The following MLC1 variants were observed in gnomAD, a reference collection of about 807,000 sequenced individuals.
The protein encoded by MLC1 is membrane protein MLC1.
MLC1 carries 32 observed loss-of-function variants against 44.7 expected under a neutral mutation model. The ratio of observed to expected loss-of-function variants is 0.72; its 90% CI spans 0.54 to 0.96. MLC1 has a LOEUF of 0.96. Among genes scored for constraint, MLC1 ranks in the 40% least tolerant of loss-of-function variants. MLC1 has a pLI of 0.00. For synonymous variants in MLC1, 190 were observed against 213.0 expected, an observed-to-expected ratio of 0.89 and a Z score of 0.94; for missense variants, 459 against 492.2, an observed-to-expected ratio of 0.93 and a Z score of 0.64.
chr22:50,063,889 GCCACTCACCTCCCC>G, intron 11 of MLC1, 131 bp downstream of exon 11: 1 of 863,040 alleles, frequency 1.2e-6, no homozygotes, highest in Admixed American at 3.0e-5. Flanking sequence ...CCCCCTGCAG[GCCACTCACCTCCCC>G]GGCTGGGCAC....
rs564967424 is a variant in MLC1 at position 50,082,290 on chromosome 22, A to C, written c.267+794T>G. Among the ~76,000 whole-genome samples, 368 of 152,194 alleles carry C rather than the reference A, an allele frequency of 2.4e-3. 1 individual carries two copies. The highest frequency in any genetic ancestry group is 8.6e-3 in the African/African-American group (357 of 41,526). Reference sequence around the variant, plus strand: ...GTCCATGGCTTGCGGGCCAGAGCCCAGGGGTCAGCCAGCATGGTGCTCTAG... The same window carrying C: ...GTCCATGGCTTGCGGGCCAGAGCCCCGGGGTCAGCCAGCATGGTGCTCTAG... On this transcript the variant is annotated intron_variant, in intron 3 of 11. Coordinates refer to ENST00000311597, the MANE Select transcript of MLC1 (RefSeq NM_015166.4).
At position 50,061,133 on chromosome 22, in the gene MLC1, C is replaced by T. The variant is rs2061552141; in HGVS notation, c.*450G>A. ...AAGATCCCACTGGGCTGACTGAGTA[C>T]CCGGGACAGACCCTAAGCGTGGAGG... On this transcript the variant is annotated 3_prime_UTR_variant, in exon 12 of 12. Transcript: ENST00000311597. The T allele has an allele frequency of 3.9e-6, 1 of 254,910 alleles. No homozygotes were observed. Among genetic ancestry groups the T allele is most frequent in the Non-Finnish European group, 7.8e-6 (1 of 128,030 alleles). The allele number at this position is 254,910 out of a possible 1,614,324, so 15.8% of individuals were successfully genotyped here. A position where few individuals can be genotyped will look rare whatever the true frequency, so the allele number is the denominator to read the frequency against.
intron 2 of MLC1, among the ~76,000 whole-genome samples, chr22:50,084,073 C>T (rs886767597): frequency 1.2e-4 from 18 of 152,186 alleles, no homozygotes; most frequent in African/African-American, 3.4e-4. Context: ...CAGCCTGGAT[C>T]TCATTCTCAG....
chr22:50,083,028 C>T lies in MLC1; in HGVS notation c.267+56G>A, dbSNP rs2062184432. 1 of 1,532,488 alleles carries T rather than the reference C, an allele frequency of 6.5e-7. No individual in the cohort carries two copies. The highest frequency in any genetic ancestry group is 9.0e-7 in the Non-Finnish European group (1 of 1,106,926). The allele number at this position is 1,532,488 out of a possible 1,614,324, so 94.9% of individuals were successfully genotyped here. A position where few individuals can be genotyped will look rare whatever the true frequency, so the allele number is the denominator to read the frequency against. On this transcript the variant is annotated intron_variant, in intron 3 of 11. Transcript: ENST00000311597. This position sits in a 1 kb window ranked among gnomAD's most constrained non-coding sequence, Gnocchi z 4.6. ...CCTGCACATCTCAGAACAAAGAAACCAGAGCACGTGCCGGCGAGCTTGGGC... is the reference window on the plus strand; with the variant it reads ...CCTGCACATCTCAGAACAAAGAAACTAGAGCACGTGCCGGCGAGCTTGGGC...
chr22:50,068,263 G>A (rs2061760920), intron 10 of MLC1, among the ~76,000 whole-genome samples, 170 bp downstream of exon 10: 1 of 152,250 alleles, frequency 6.6e-6, no homozygotes, highest in Non-Finnish European at 1.5e-5. Flanking sequence ...CCTGGGGCCA[G>A]GCTGGCATTG....
intron 5 of MLC1, among the ~76,000 whole-genome samples, chr22:50,078,309 A>G (rs546977846): frequency 3.3e-5 from 5 of 152,266 alleles, no homozygotes; most frequent in Admixed American, 1.3e-4. Context: ...TTTAAAATAC[A>G]TTTAAAAAAG....
chr22:50,070,473 G>A, intron 9 of MLC1, 54 bp downstream of exon 9: 2 of 1,507,224 alleles, frequency 1.3e-6, no homozygotes, highest in Non-Finnish European at 1.8e-6. Flanking sequence ...GCTAGGCCAG[G>A]CCCTGGCCCC....
chr22:50,080,211 G>A (rs1460755354), intron 4 of MLC1, 133 bp downstream of exon 4: 8 of 1,246,238 alleles, frequency 6.4e-6, no homozygotes, highest in Non-Finnish European at 9.1e-6. Flanking sequence ...TACTGTCTGG[G>A]GGGCAACCTC....
Position 50,070,603 on chromosome 22 carries a change from A to G in MLC1, c.715-20T>C. 1 of 1,554,054 alleles carries G rather than the reference A, an allele frequency of 6.4e-7. No homozygotes were observed. Among genetic ancestry groups the G allele is most frequent in the Non-Finnish European group, 8.7e-7 (1 of 1,147,890 alleles). On this transcript the variant is annotated intron_variant, in intron 8 of 11. Transcript: ENST00000311597. ...AAAGCACTAAGAGAAAAGAAAAAGG[A>G]AAGATTTTAGAGGAAATAGTCGAAG...
chr22:50,069,359 T>G (rs1377586015), intron 9 of MLC1, among the ~76,000 whole-genome samples: 1 of 152,092 alleles, frequency 6.6e-6, no homozygotes, highest in Non-Finnish European at 1.5e-5. Flanking sequence ...TTGAAATACT[T>G]ACCATCTAGG....
Position 50,083,011 on chromosome 22 carries a change from T to C in MLC1, c.267+73A>G. ...GGTACAGGTGACAGAAACCTGCACA[T>C]CTCAGAACAAAGAAACCAGAGCACG... On this transcript the variant is annotated intron_variant, in intron 3 of 11. Coordinates refer to ENST00000311597, the MANE Select transcript of MLC1 (RefSeq NM_015166.4). This position sits in a 1 kb window ranked among gnomAD's most constrained non-coding sequence, Gnocchi z 4.6. 1 of 1,444,942 alleles carries C rather than the reference T, an allele frequency of 6.9e-7. No homozygotes were observed. The highest frequency in any genetic ancestry group is 9.7e-7 in the Non-Finnish European group (1 of 1,028,694). 89.5% of individuals were successfully genotyped at this position (1,444,942 alleles called of 1,614,324 possible). A position where few individuals can be genotyped will look rare whatever the true frequency, so the allele number is the denominator to read the frequency against.
intron 10 of MLC1, among the ~76,000 whole-genome samples, chr22:50,065,862 G>C (rs760655540): frequency 2.0e-5 from 3 of 152,260 alleles, no homozygotes; most frequent in Non-Finnish European, 4.4e-5. Flanking sequence ...TCAAAAGGAA[G>C]ATGCGTGCAG....
chr22:50,059,941 C>T lies in MLC1; in HGVS notation c.*1642G>A, dbSNP rs2061529905. On this transcript the variant is annotated 3_prime_UTR_variant, in exon 12 of 12. Transcript: ENST00000311597. ...AACACCATGAAGGTATCTTGGCAGC[C>T]AGAGTCACTCCTGTTCCGCAGTGGG... 6.6e-6 allele frequency: 1 copy of T among 152,302 alleles called. No homozygotes were observed. Among genetic ancestry groups the T allele is most frequent in the African/African-American group, 2.4e-5 (1 of 41,442 alleles). 9.4% of individuals were successfully genotyped at this position (152,302 alleles called of 1,614,324 possible).
rs148045256 is a variant in MLC1, at chr22:50,079,896, C to T, written c.423+22G>A. 283 of 1,557,072 alleles carry T rather than the reference C, an allele frequency of 1.8e-4. No homozygotes were observed. In the East Asian group the frequency reaches 5.9e-3, roughly 33 times the overall value. On this transcript the variant is annotated intron_variant, in intron 5 of 11. Transcript: ENST00000311597. ...TGGGGCTGTGGGTGTCAGGCGTCTG[C>T]GCGAAGCTCGTGTGAACTCACGTTT...
intron 4 of MLC1, 140 bp downstream of exon 4, chr22:50,080,204 T>A (rs573891930): frequency 5.0e-6 from 6 of 1,206,044 alleles, no homozygotes; most frequent in Middle Eastern, 2.4e-4. Context: ...GGAGCTTTAC[T>A]GTCTGGGGGG....
At chr22:50,072,449 T>C (rs1423315218) in intron 8 of MLC1, among the ~76,000 whole-genome samples, 1 of 152,044 alleles carries the variant, frequency 6.6e-6, no homozygotes, top group Admixed American at 6.5e-5. Flanking sequence ...CCTCCTGGGG[T>C]CTCCTGCCCT....
chr22:50,064,315 C>G (rs2061657831), intron 10 of MLC1, 117 bp from the exon 11 acceptor site: 1 of 1,220,774 alleles, frequency 8.2e-7, no homozygotes, highest in African/African-American at 1.5e-5. Flanking sequence ...CGAGTCGGAG[C>G]CCCAGTAACC....
chr22:50,069,295 A>G (rs889989782), intron 9 of MLC1, among the ~76,000 whole-genome samples: 2 of 151,356 alleles, frequency 1.3e-5, no homozygotes, highest in Non-Finnish European at 2.9e-5. Flanking sequence ...CAAAGTGCTG[A>G]GATTACAGGC....
At chr22:50,076,091 A>C (rs763274520) in intron 7 of MLC1, among the ~76,000 whole-genome samples, 13 of 152,152 alleles carry the variant, frequency 8.5e-5, no homozygotes, top group Non-Finnish European at 1.6e-4. Flanking sequence ...AAAATGGAAA[A>C]CTCAAAAGAT....
Sources: allele counts gnomAD v4.1 joint callset (sites outside exome capture counted in the v4.1 genomes callset), GRCh38; gene constraint gnomAD v4.1.1; non-coding constraint Gnocchi (gnomAD v3.1); transcripts MANE v1.5; gene names NCBI Gene and HGNC (gene_info 2026-07-23, HGNC 2026-07-21).